Variants in ROCK2 observed in about 807,000 individuals in gnomAD.
The protein encoded by ROCK2 is rho-associated protein kinase 2.
In ROCK2, 61 loss-of-function variants were observed where a neutral mutation model predicts 195.1. The observed-to-expected ratio is 0.31, with a 90% CI of 0.25 to 0.39. ROCK2 has a LOEUF of 0.39. ROCK2 is among the 10% of genes least tolerant of loss of function. ROCK2 has a pLI of 1.00. For missense variants in ROCK2, 1,109 were observed against 1,637.4 expected, an observed-to-expected ratio of 0.68 and a Z score of 5.57; for synonymous variants, 504 against 545.5, an observed-to-expected ratio of 0.92 and a Z score of 1.06.
At chr2:11,341,770 T>C (rs1427587228) in intron 1 of ROCK2, among the ~76,000 whole-genome samples, 1 of 152,196 alleles carries the variant, frequency 6.6e-6, no homozygotes, top group Non-Finnish European at 1.5e-5. Context: ...AAATGCAACC[T>C]AAATGCTAAG....
intron 3 of ROCK2, among the ~76,000 whole-genome samples, chr2:11,270,584 T>G (rs1666592151): frequency 6.6e-6 from 1 of 152,218 alleles, no homozygotes; most frequent in Non-Finnish European, 1.5e-5. Context: ...GTGTACCTAT[T>G]GATATATCCT....
chr2:11,318,437 T>C (rs1668295587), intron 1 of ROCK2, among the ~76,000 whole-genome samples: 1 of 152,230 alleles, frequency 6.6e-6, no homozygotes, highest in Non-Finnish European at 1.5e-5. Context: ...GTTCATGTCC[T>C]TTGCCCACTT....
intron 1 of ROCK2, among the ~76,000 whole-genome samples, chr2:11,330,780 A>AGGAGGAGGAGGGAGGGG (rs1668706052): frequency 6.3e-5 from 1 of 15,826 alleles, no homozygotes; most frequent in Non-Finnish European, 1.3e-4. Flanking sequence ...GGAGGGAGGG[A>AGGAGGAGGAGGGAGGGG]AGAGGAGGAG....
At chr2:11,240,529 G>A (rs1665386029) in intron 4 of ROCK2, among the ~76,000 whole-genome samples, 1 of 152,194 alleles carries the variant, frequency 6.6e-6, no homozygotes, top group Admixed American at 6.5e-5. Flanking sequence ...ATAACATATT[G>A]TATGATTCCA....
intron 23 of ROCK2, among the ~76,000 whole-genome samples, chr2:11,199,804 T>C (rs1296097712): frequency 1.3e-5 from 2 of 152,242 alleles, no homozygotes; most frequent in East Asian, 1.9e-4. Flanking sequence ...TAAATATTTA[T>C]GCTGCTATAA....
chr2:11,251,486 G>A (rs936166099), intron 3 of ROCK2, among the ~76,000 whole-genome samples: 3 of 152,138 alleles, frequency 2.0e-5, no homozygotes, highest in African/African-American at 7.2e-5. Flanking sequence ...CTGCCCAAGG[G>A]CTATATAGAT....
intron 3 of ROCK2, 67 bp from the exon 4 acceptor site, chr2:11,249,865 C>A: frequency 8.2e-7 from 1 of 1,226,704 alleles, no homozygotes; most frequent in Non-Finnish European, 1.1e-6. Flanking sequence ...ATAGATGATA[C>A]TATAATGCTA....
At chr2:11,306,217 A>G (rs1667854519) in intron 1 of ROCK2, among the ~76,000 whole-genome samples, 1 of 152,236 alleles carries the variant, frequency 6.6e-6, no homozygotes, top group South Asian at 2.1e-4. Context: ...TTTAAAAACC[A>G]CAAAAGGCAT....
rs563992651 is a variant in ROCK2, at chr2:11,344,576, G to C, written c.-440C>G. 1 of 854,830 alleles carries C rather than the reference G, an allele frequency of 1.2e-6. No individual in the cohort carries two copies. Among genetic ancestry groups the C allele is most frequent in the Non-Finnish European group, 1.4e-6 (1 of 712,714 alleles). The allele number at this position is 854,830 out of a possible 1,614,324, so 53.0% of individuals were successfully genotyped here. A position where few individuals can be genotyped will look rare whatever the true frequency, so the allele number is the denominator to read the frequency against. On this transcript the variant is annotated 5_prime_UTR_variant, in exon 1 of 33. Coordinates refer to ENST00000315872, the MANE Select transcript of ROCK2 (RefSeq NM_004850.5). This position sits in a 1 kb window ranked among gnomAD's most constrained non-coding sequence, Gnocchi z 5.4. Reference sequence around the variant, plus strand: ...CCGGCCCGCTGCCATGGTCGCCGCCGGCCGCCTTGCAGTCCCTCAGCCAGC... The same window carrying C: ...CCGGCCCGCTGCCATGGTCGCCGCCCGCCGCCTTGCAGTCCCTCAGCCAGC...
chr2:11,219,469 C>T (rs1233281953), intron 9 of ROCK2, among the ~76,000 whole-genome samples: 1 of 152,048 alleles, frequency 6.6e-6, no homozygotes, highest in Non-Finnish European at 1.5e-5. Flanking sequence ...TGAGATCGCA[C>T]CACTGCACTC....
At chr2:11,299,977 C>T (rs1667655287) in intron 1 of ROCK2, among the ~76,000 whole-genome samples, 1 of 152,116 alleles carries the variant, frequency 6.6e-6, no homozygotes, top group Admixed American at 6.5e-5. Flanking sequence ...TGTGCCCTCC[C>T]CTATAAAGAA....
intron 4 of ROCK2, 31 bp downstream of exon 4, chr2:11,249,630 G>A: frequency 1.4e-6 from 2 of 1,424,208 alleles, no homozygotes; most frequent in Non-Finnish European, 1.8e-6. Flanking sequence ...ATAAAAAAAG[G>A]AAATAAACTT....
At chr2:11,248,987 C>G (rs1415452940) in intron 4 of ROCK2, among the ~76,000 whole-genome samples, 1 of 151,916 alleles carries the variant, frequency 6.6e-6, no homozygotes, top group Non-Finnish European at 1.5e-5. Context: ...CCTCTGCCTC[C>G]CAGGTTCAAG....
intron 1 of ROCK2, among the ~76,000 whole-genome samples, chr2:11,310,274 C>T (rs570715815): frequency 3.3e-5 from 5 of 152,068 alleles, no homozygotes; most frequent in South Asian, 4.1e-4. Context: ...TACAACCTCA[C>T]GGAATACTAA....
At chr2:11,315,738 C>G (rs185181166) in intron 1 of ROCK2, among the ~76,000 whole-genome samples, 1 of 152,158 alleles carries the variant, frequency 6.6e-6, no homozygotes, top group East Asian at 1.9e-4. Flanking sequence ...GCAAGCTTCA[C>G]AGGGATTAAA....
At chr2:11,293,639 G>C (rs1376891147) in intron 1 of ROCK2, among the ~76,000 whole-genome samples, 1 of 151,990 alleles carries the variant, frequency 6.6e-6, no homozygotes, top group Admixed American at 6.6e-5. Flanking sequence ...TCCTGATTTT[G>C]CCTTTCTTTA....
At chr2:11,305,027 G>A (rs758938096) in intron 1 of ROCK2, among the ~76,000 whole-genome samples, 48 of 111,616 alleles carry the variant, frequency 4.3e-4, no homozygotes, top group Non-Finnish European at 4.9e-4. Context: ...ATGAACTCAT[G>A]GTGTTGAGCT....
chr2:11,236,436 T>C (rs1291292651), intron 4 of ROCK2, among the ~76,000 whole-genome samples: 1 of 152,002 alleles, frequency 6.6e-6, no homozygotes, highest in Non-Finnish European at 1.5e-5. Context: ...ATAAGCCCCA[T>C]ATCAATGGAA....
chr2:11,316,331 C>T (rs1294690197), intron 1 of ROCK2, among the ~76,000 whole-genome samples: 2 of 152,084 alleles, frequency 1.3e-5, no homozygotes, highest in Non-Finnish European at 2.9e-5. Flanking sequence ...AATGTTTTTC[C>T]TTGTTAAATT....
Sources: gnomAD v4.1 joint callset for allele counts (sites outside exome capture counted in the v4.1 genomes callset) on GRCh38, gnomAD v4.1.1 for gene constraint, Gnocchi (gnomAD v3.1) non-coding constraint, MANE v1.5 for transcripts, NCBI Gene and HGNC (gene_info 2026-07-23, HGNC 2026-07-21) for gene names.